ATG13: variants seen among roughly 807,000 people sequenced by gnomAD.
ATG13 encodes autophagy related 13.
Under a neutral mutation model 65.5 loss-of-function variants are expected in ATG13, and 23 were observed. The ratio of observed to expected loss-of-function variants is 0.35; its 90% confidence interval spans 0.25 to 0.50. The LOEUF is 0.50. ATG13 is among the 20% of genes least tolerant of loss of function. The probability of loss-of-function intolerance (pLI) is 0.98; values close to 1 mark genes in which losing one functional copy is unlikely to be tolerated. For missense variants in ATG13, 566 were observed against 677.0 expected (o/e 0.84, Z 1.82); for synonymous variants, 252 against 245.2 (o/e 1.03, Z -0.26).
intron 12 of ATG13, 65 bp downstream of exon 12, chr11:46,664,160 T>A: frequency 8.1e-7 from 1 of 1,230,364 alleles, no homozygotes; most frequent in Non-Finnish European, 1.1e-6. Flanking sequence ...AAATTGTAAA[T>A]AAATTATAAG....
chr11:46,622,810 TCA>T (rs993121413), intron 1 of ATG13, among the ~76,000 whole-genome samples: 84 of 152,216 alleles, frequency 5.5e-4, no homozygotes, highest in African/African-American at 1.7e-3. Flanking sequence ...TGAACAGAAT[TCA>T]CAAGCTGTGA....
chr11:46,657,469 G>C (rs1487185226), intron 9 of ATG13, 55 bp from the exon 10 acceptor site: 2 of 1,543,758 alleles, frequency 1.3e-6, no homozygotes, highest in African/African-American at 1.4e-5. Context: ...TGAGGACTTT[G>C]TGGGGGCTGG....
chr11:46,617,676 G>C lies in ATG13; in HGVS notation c.-284G>C, dbSNP rs1192220154. 1 of 393,960 alleles carries C rather than the reference G, an allele frequency of 2.5e-6. No individual in the cohort carries two copies. Among genetic ancestry groups the C allele is most frequent in the Non-Finnish European group, 4.5e-6 (1 of 223,508 alleles). The allele number at this position is 393,960 out of a possible 1,614,324, so 24.4% of individuals were successfully genotyped here. On this transcript the variant is annotated 5_prime_UTR_variant, in exon 1 of 19. Transcript: ENST00000683050. The stretch of plus-strand genomic sequence containing the variant: ...AGGGAAGCACTGAAGAGCGCCAGTC[G>C]ACGTGGGTGCGACAACTCGCGGAGT...
At chr11:46,631,704 A>G (rs2051800223) in intron 2 of ATG13, among the ~76,000 whole-genome samples, 2 of 152,266 alleles carry the variant, frequency 1.3e-5, no homozygotes, top group Middle Eastern at 3.4e-3. Flanking sequence ...GACCCACCCC[A>G]CAGGTCTCTG....
chr11:46,654,828 G>T (rs904769755), intron 7 of ATG13, among the ~76,000 whole-genome samples: 1 of 151,942 alleles, frequency 6.6e-6, no homozygotes, highest in African/African-American at 2.4e-5. Context: ...GCCAGGCATG[G>T]TGGCTTGCAC....
At chr11:46,663,940 C>CTTTTCTTTTTTTTTTTTTTTTTTT in intron 11 of ATG13, 57 bp from the exon 12 acceptor site, 1 of 1,158,658 alleles carries the variant, frequency 8.6e-7, no homozygotes, top group South Asian at 1.4e-5. Context: ...TCTCAAGTCC[C>CTTTTCTTTTTTTTTTTTTTTTTTT]TTTTCTTTTT....
Position 46,642,307 on chromosome 11 carries a change from T to TG in ATG13, c.-13-1972_-13-1971insG, listed in dbSNP as rs1462304837. Among the ~76,000 whole-genome samples the TG allele has an allele frequency of 1.1e-3, 109 of 103,424 alleles. 1 individual carries two copies. The highest frequency in any genetic ancestry group is 3.6e-3 in the African/African-American group (107 of 29,604). The allele number at this position is 103,424 out of a possible 152,430, so 67.9% of individuals were successfully genotyped here. A position where few individuals can be genotyped will look rare whatever the true frequency, so the allele number is the denominator to read the frequency against. On this transcript the variant is annotated intron_variant, in intron 2 of 18. Coordinates refer to ENST00000683050, the MANE Select transcript of ATG13 (RefSeq NM_001346311.2). ...CCTTGTTTTTTTATTTTTGTGGGTT[T>TG]TTTTTTTTTTTTTTTTTGGATGGAA...
Position 46,657,099 on chromosome 11 carries a change from C to T in ATG13, c.504C>T (p.Phe168=). ...EVQLSGLGEG[F]QTVRVGTVGT... is the part of the protein sequence containing the mutation. ...ATAATGTATCTCTTCTCCTAGGCTTCCAGACAGTTCGTGTTGGGACAGTGG... is the reference window on the plus strand; with the variant it reads ...ATAATGTATCTCTTCTCCTAGGCTTTCAGACAGTTCGTGTTGGGACAGTGG... Residue 168 remains phenylalanine, a synonymous_variant, in exon 9 of 19, where the codon TTC becomes TTT. Transcript: ENST00000683050. The T allele has an allele frequency of 6.2e-7, 1 of 1,613,460 alleles. No homozygotes were observed. The highest frequency in any genetic ancestry group is 8.5e-7 in the Non-Finnish European group (1 of 1,179,392).
chr11:46,668,981 G>A (rs971493001), intron 17 of ATG13, 71 bp downstream of exon 17: 4 of 1,250,324 alleles, frequency 3.2e-6, no homozygotes, highest in Admixed American at 3.5e-5. Context: ...TACTGCACTT[G>A]ATCCAGATTT....
At chr11:46,627,241 T>C (rs989391271) in intron 1 of ATG13, among the ~76,000 whole-genome samples, 4 of 152,040 alleles carry the variant, frequency 2.6e-5, no homozygotes, top group African/African-American at 9.7e-5. Flanking sequence ...TAGCTGGGCA[T>C]GATGGCAGGT....
At chr11:46,635,901 T>C (rs954518797) in intron 2 of ATG13, among the ~76,000 whole-genome samples, 1 of 152,312 alleles carries the variant, frequency 6.6e-6, no homozygotes, top group South Asian at 2.1e-4. Flanking sequence ...TTACCTTTAG[T>C]GTAAGATAAG....
chr11:46,619,019 T>C (rs2046375771), intron 1 of ATG13, among the ~76,000 whole-genome samples: 1 of 152,128 alleles, frequency 6.6e-6, no homozygotes, highest in South Asian at 2.1e-4. Context: ...ACTTGAACTT[T>C]AGGTGTGGAA....
At chr11:46,628,771 CATAA>C (rs1314295390) in intron 1 of ATG13, among the ~76,000 whole-genome samples, 3 of 152,072 alleles carry the variant, frequency 2.0e-5, no homozygotes, top group Non-Finnish European at 4.4e-5. Flanking sequence ...GTGTAATTGA[CATAA>C]ATAAATTATA....
In ATG13 at chr11:46,673,066, G is replaced by A. The variant is rs1361712250; in HGVS notation, c.*734G>A. ...TAGGATTTTGTCACTTGGAGTCACA[G>A]CAAAGTTCTCTTCCTCTTGTCCCCC... On this transcript the variant is annotated 3_prime_UTR_variant, in exon 19 of 19. Coordinates refer to ENST00000683050, the MANE Select transcript of ATG13 (RefSeq NM_001346311.2). 1 of 189,926 alleles carries A rather than the reference G, an allele frequency of 5.3e-6. No homozygotes were observed. Among genetic ancestry groups the A allele is most frequent in the Non-Finnish European group, 1.1e-5 (1 of 89,254 alleles). 11.8% of individuals were successfully genotyped at this position (189,926 alleles called of 1,614,324 possible).
At chr11:46,632,661 C>T (rs1314910525) in intron 2 of ATG13, among the ~76,000 whole-genome samples, 1 of 152,028 alleles carries the variant, frequency 6.6e-6, no homozygotes, top group Non-Finnish European at 1.5e-5. Flanking sequence ...CAAATACATA[C>T]ATTGTCAGGT....
chr11:46,653,019 A>C (rs966543230), intron 7 of ATG13, among the ~76,000 whole-genome samples: 1 of 152,056 alleles, frequency 6.6e-6, no homozygotes, highest in Non-Finnish European at 1.5e-5. Flanking sequence ...AAAGCTGAGT[A>C]TTTGTTATAG....
Position 46,664,860 on chromosome 11 carries a change from T to A in ATG13, c.900T>A (p.Ser300=). Residue 300 remains serine (S), a synonymous_variant, in exon 13 of 19, where the codon TCT becomes TCA. Transcript: ENST00000683050. ...GLAFSHQLSS[S]RLSYQPAALG... Reference sequence around the variant, plus strand: ...TTTCTCTTGCTTAGCTCTCAAGCTCTCGCCTTTCCTATCAGCCTGCTGCCC... The same window carrying A: ...TTTCTCTTGCTTAGCTCTCAAGCTCACGCCTTTCCTATCAGCCTGCTGCCC... 1 of 1,613,896 alleles carries A rather than the reference T, an allele frequency of 6.2e-7. No homozygotes were observed. Among genetic ancestry groups the A allele is most frequent in the African/African-American group, 1.3e-5 (1 of 75,066 alleles).
intron 11 of ATG13, among the ~76,000 whole-genome samples, chr11:46,663,390 C>G (rs1301767188): frequency 6.6e-6 from 1 of 151,910 alleles, no homozygotes; most frequent in South Asian, 2.1e-4. Context: ...CTTTTTACTT[C>G]ATCAGGTTCA....
chr11:46,633,627 G>A (rs990342991), intron 2 of ATG13, among the ~76,000 whole-genome samples: 5 of 152,056 alleles, frequency 3.3e-5, no homozygotes, highest in Non-Finnish European at 7.4e-5. Flanking sequence ...GATTACAGGC[G>A]TGAGCCACCG....
Sources: allele counts gnomAD v4.1 joint callset (sites outside exome capture counted in the v4.1 genomes callset), GRCh38; gene constraint gnomAD v4.1.1; transcripts MANE v1.5; gene names NCBI Gene and HGNC (gene_info 2026-07-23, HGNC 2026-07-21).